The following CALCOCO2 variants were observed in gnomAD, a reference collection of about 807,000 sequenced individuals.
CALCOCO2 encodes the protein calcium binding and coiled-coil domain 2.
A neutral mutation model predicts 62.5 loss-of-function variants in CALCOCO2; 42 were observed. The ratio of observed to expected loss-of-function variants is 0.67; its 90% CI spans 0.53 to 0.87. The LOEUF (loss-of-function observed/expected upper bound fraction) is 0.87, where lower values mean the gene tolerates loss of function less well. CALCOCO2 is among the 40% of genes least tolerant of loss of function. The pLI is 0.00. For synonymous variants in CALCOCO2, 167 were observed against 173.0 expected, an observed-to-expected ratio of 0.97 and a Z score of 0.27; for missense variants, 456 against 515.0, an observed-to-expected ratio of 0.89 and a Z score of 1.11.
rs1353159363 is a variant in CALCOCO2 at position 48,858,022 on chromosome 17, T to TAG, written c.1008+1837_1008+1838dup. ...TAGAATAGAATAGAATAGAATAGAA[T>TAG]AGAATAGAATAGAATAGAATAGAAA... On this transcript the variant is annotated intron_variant, in intron 10 of 12. Coordinates refer to ENST00000258947, the MANE Select transcript of CALCOCO2 (RefSeq NM_005831.5). Among the ~76,000 whole-genome samples, 4 of 13,402 alleles carry TAG rather than the reference T, an allele frequency of 3.0e-4. 1 individual carries two copies. Among genetic ancestry groups the TAG allele is most frequent in the Non-Finnish European group, 1.2e-3 (4 of 3,440 alleles). The allele number at this position is 13,402 out of a possible 152,430, so 8.8% of individuals were successfully genotyped here.
In CALCOCO2 at chr17:48,840,115, C is replaced by T. The variant is rs1035237951; in HGVS notation, c.-10-1583C>T. On this transcript the variant is annotated intron_variant, in intron 1 of 12. Coordinates refer to ENST00000258947, the MANE Select transcript of CALCOCO2 (RefSeq NM_005831.5). ...CATGCACTACCCTAGTTTCCTATTT[C>T]GTTGTTGTTGTTGTTGTCATTGTTA... Among the ~76,000 whole-genome samples, 15 of 152,122 alleles carry T rather than the reference C, an allele frequency of 9.9e-5. No homozygotes were observed. In the South Asian group the frequency reaches 1.5e-3, roughly 15 times the overall value.
intron 9 of CALCOCO2, among the ~76,000 whole-genome samples, chr17:48,853,977 C>T (rs1340274182): frequency 6.6e-6 from 1 of 152,092 alleles, no homozygotes; most frequent in Non-Finnish European, 1.5e-5. Context: ...AGGCACATTC[C>T]AGTTTGTGAC....
rs2039975946 is a variant in CALCOCO2 at position 48,841,727 on chromosome 17, A to AT, written c.21dup (p.Pro8SerfsTer19). ...CCTACCATGGAGGAGACCATCAAAG[A>AT]TCCCCCCACATCAGCTGTCTTGCTG... On this transcript the variant is annotated frameshift_variant, in exon 2 of 13. Transcript: ENST00000258947. LOFTEE classifies it high-confidence loss of function. The AT allele has an allele frequency of 6.2e-7, 1 of 1,612,232 alleles. No individual in the cohort carries two copies. The highest frequency in any genetic ancestry group is 8.5e-7 in the Non-Finnish European group (1 of 1,178,964).
intron 2 of CALCOCO2, chr17:48,843,765 G>A (rs1284202555): frequency 2.0e-5 from 3 of 152,224 alleles, no homozygotes; most frequent in Admixed American, 2.0e-4. Context: ...ACATTGCCTG[G>A]TAAGAGTTTT....
intron 4 of CALCOCO2, chr17:48,848,691 TC>T: frequency 1.7e-6 from 1 of 601,246 alleles, no homozygotes; most frequent in Non-Finnish European, 3.0e-6. Context: ...ATTCAGTTAT[TC>T]TTTTAACTTT....
intron 2 of CALCOCO2, among the ~76,000 whole-genome samples, chr17:48,842,952 C>T (rs902120686): frequency 6.6e-6 from 1 of 152,172 alleles, no homozygotes; most frequent in African/African-American, 2.4e-5. Flanking sequence ...TATGACTTGA[C>T]TGAGATGGCT....
chr17:48,841,699 ACCCCTACCATGGAGGAGACCATCAAAGAT>A lies in CALCOCO2; in HGVS notation c.-4_25del, dbSNP rs1365366619. 2 of 1,603,058 alleles carry A rather than the reference ACCCCTACCATGGAGGAGACCATCAAAGAT, an allele frequency of 1.2e-6. No individual in the cohort carries two copies. The highest frequency in any genetic ancestry group is 1.7e-6 in the Non-Finnish European group (2 of 1,173,002). On this transcript the variant is annotated start_lost and splice_region_variant and 5_prime_UTR_variant, in exon 2 of 13. Coordinates refer to ENST00000258947, the MANE Select transcript of CALCOCO2 (RefSeq NM_005831.5). The stretch of plus-strand genomic sequence containing the variant: ...ACTCTGTTCCACATTTCATAACAGG[ACCCCTACCATGGAGGAGACCATCAAAGAT>A]CCCCCCACATCAGCTGTCTTGCTGG...
In CALCOCO2 at chr17:48,856,136, T is replaced by C; in HGVS notation, c.957T>C (p.Ile319=). The C allele has an allele frequency of 1.9e-6, 3 of 1,604,356 alleles. No individual in the cohort carries two copies. The Admixed American group carries it at 5.0e-5, about 27-fold the overall frequency. ...CAAAAAGACTGAGTGAGAACGAAATTATATGTAATGCTCTGCAGAGACAGA... is the reference window on the plus strand; with the variant it reads ...CAAAAAGACTGAGTGAGAACGAAATCATATGTAATGCTCTGCAGAGACAGA... ...DLSKRLSENE[I]ICNALQRQKE... The change falls in exon 10 of 13, where the codon ATT becomes ATC. Residue 319 remains isoleucine, a synonymous_variant. Transcript: ENST00000258947.
chr17:48,852,186 G>T lies in CALCOCO2; in HGVS notation c.703-320G>T, dbSNP rs571206155. Among the ~76,000 whole-genome samples, 11 of 151,390 alleles carry T rather than the reference G, an allele frequency of 7.3e-5. No homozygotes were observed. In the East Asian group the frequency reaches 1.9e-3, roughly 27 times the overall value. On this transcript the variant is annotated intron_variant, in intron 7 of 12. Transcript: ENST00000258947. ...TGATTCACAAGGAACTTAGTGATTTGTTCATGTATTACTAAGGTAGTTTAC... is the reference window on the plus strand; with the variant it reads ...TGATTCACAAGGAACTTAGTGATTTTTTCATGTATTACTAAGGTAGTTTAC...
chr17:48,856,528 A>C (rs1179857128), intron 10 of CALCOCO2: 1 of 459,540 alleles, frequency 2.2e-6, no homozygotes, highest in African/African-American at 2.0e-5. Flanking sequence ...GCTAGTGGGG[A>C]ACTCCTTTTC....
At chr17:48,836,755 A>G (rs950097500) in intron 1 of CALCOCO2, among the ~76,000 whole-genome samples, 1 of 128,864 alleles carries the variant, frequency 7.8e-6, no homozygotes, top group Non-Finnish European at 1.6e-5. Context: ...CCCGGAAGTC[A>G]CTCTTTTTTT....
chr17:48,858,000 A>ATAGG (rs1431561257), intron 10 of CALCOCO2, among the ~76,000 whole-genome samples: 52 of 22,318 alleles, frequency 2.3e-3, no homozygotes, highest in Non-Finnish European at 4.3e-3. Context: ...AATAGAATAG[A>ATAGG]ATAGAATAGA....
chr17:48,838,103 T>C (rs960166285), intron 1 of CALCOCO2, among the ~76,000 whole-genome samples: 6 of 151,894 alleles, frequency 4.0e-5, no homozygotes, highest in Non-Finnish European at 7.4e-5. Flanking sequence ...GCTCCCCGAG[T>C]GAGCAATTCC....
In CALCOCO2 at chr17:48,848,154, G is replaced by C. The variant is rs1452248036; in HGVS notation, c.271G>C (p.Val91Leu). 6.2e-7 allele frequency: 1 copy of C among 1,610,534 alleles called. No homozygotes were observed. The highest frequency in any genetic ancestry group is 8.5e-7 in the Non-Finnish European group (1 of 1,176,746). ...LNNKSAKQQE[V>L]QFKAYYLPKD... is the part of the protein sequence containing the mutation. ...CAACAAATCAGCTAAACAGCAGGAA[G>C]TCCAATTCAAAGGTGAGAAAAATAC... Residue 91 changes from valine (V) to leucine (L), a missense_variant, in exon 3 of 13, where the codon GTC becomes CTC. Val to Leu is a conservative substitution (Grantham distance 32). Around this residue, in one of 3 missense-constraint regions of CALCOCO2, gnomAD observed 236 missense variants for 225.3 expected, o/e 1.05. Coordinates refer to ENST00000258947, the MANE Select transcript of CALCOCO2 (RefSeq NM_005831.5).
intron 9 of CALCOCO2, among the ~76,000 whole-genome samples, chr17:48,854,289 T>C: frequency 1.2e-5 from 1 of 82,246 alleles, no homozygotes; most frequent in Non-Finnish European, 2.2e-5. Flanking sequence ...GCACTCCAGC[T>C]GGGGCGACAG....
intron 9 of CALCOCO2, among the ~76,000 whole-genome samples, chr17:48,854,009 A>C (rs779141425): frequency 1.3e-5 from 2 of 152,114 alleles, no homozygotes; most frequent in African/African-American, 2.4e-5. Flanking sequence ...CAAATAAATT[A>C]CTGTTTTAAA....
chr17:48,834,135 A>G (rs1162296126), intron 1 of CALCOCO2, among the ~76,000 whole-genome samples: 3 of 148,940 alleles, frequency 2.0e-5, no homozygotes, highest in Non-Finnish European at 4.5e-5. Context: ...AAAAAAAGCA[A>G]GAGCAGAAGT....
At chr17:48,844,464 CT>C (rs2040019121) in intron 2 of CALCOCO2, among the ~76,000 whole-genome samples, 1 of 151,520 alleles carries the variant, frequency 6.6e-6, no homozygotes, top group Admixed American at 6.6e-5. Flanking sequence ...GGGCGTTTTT[CT>C]TTTTTTAAGA....
intron 5 of CALCOCO2, among the ~76,000 whole-genome samples, chr17:48,850,151 T>C (rs2040106843): frequency 6.6e-6 from 1 of 152,036 alleles, no homozygotes; most frequent in Non-Finnish European, 1.5e-5. Flanking sequence ...ATACAAAAAT[T>C]AGCCAAGCAT....
Sources: gnomAD v4.1 joint callset for allele counts (sites outside exome capture counted in the v4.1 genomes callset) on GRCh38, gnomAD v4.1.1 for gene constraint, gnomAD v4.1.1 regional missense constraint, MANE v1.5 for transcripts, NCBI Gene and HGNC (gene_info 2026-07-23, HGNC 2026-07-21) for gene names.